Variants in RASAL2 observed in about 807,000 individuals in gnomAD.
The protein encoded by RASAL2 is RAS protein activator like 2.
In RASAL2, 58 loss-of-function variants were observed where a neutral mutation model predicts 128.9. The observed-to-expected ratio is 0.45, with a 90% CI of 0.36 to 0.56. RASAL2 has a LOEUF of 0.56. RASAL2 is among the 20% of genes least tolerant of loss of function. The probability of loss-of-function intolerance (pLI) is 0.00; values close to 1 mark genes in which losing one functional copy is unlikely to be tolerated. For synonymous variants in RASAL2, 561 were observed against 580.8 expected (o/e 0.97, Z 0.49); for missense variants, 1,360 against 1,601.6 (o/e 0.85, Z 2.57).
In RASAL2 at chr1:178,473,531, G is replaced by T; in HGVS notation, c.*292G>T. 1 of 395,926 alleles carries T rather than the reference G, an allele frequency of 2.5e-6. No individual in the cohort carries two copies. The highest frequency in any genetic ancestry group is 4.5e-6 in the Non-Finnish European group (1 of 221,388). The allele number at this position is 395,926 out of a possible 1,614,324, so 24.5% of individuals were successfully genotyped here. On this transcript the variant is annotated 3_prime_UTR_variant, in exon 18 of 18. Coordinates refer to ENST00000367649, the MANE Select transcript of RASAL2 (RefSeq NM_170692.4). Reference sequence around the variant, plus strand: ...AGTTAATAATGTAGATTACCTTTTTGATTATTGCTATTTTTATTATTGTTT... The same window carrying T: ...AGTTAATAATGTAGATTACCTTTTTTATTATTGCTATTTTTATTATTGTTT...
chr1:178,269,620 G>C (rs1324266494), intron 1 of RASAL2, among the ~76,000 whole-genome samples: 1 of 152,070 alleles, frequency 6.6e-6, no homozygotes, highest in Admixed American at 6.5e-5. Flanking sequence ...ACCTCTGGTC[G>C]TCCTCACTTC....
At chr1:178,468,860 G>C (rs1460541879) in intron 17 of RASAL2, among the ~76,000 whole-genome samples, 2 of 152,142 alleles carry the variant, frequency 1.3e-5, no homozygotes, top group Non-Finnish European at 2.9e-5. Flanking sequence ...ATTGAGTCAG[G>C]AAAACTAATG....
chr1:178,399,374 C>A (rs558962207), intron 4 of RASAL2, among the ~76,000 whole-genome samples: 1 of 100,036 alleles, frequency 1.0e-5, no homozygotes, highest in African/African-American at 3.8e-5. Flanking sequence ...TTTGGGTGGG[C>A]GGGGGAGGGG....
chr1:178,203,042 G>A (rs557630721), intron 1 of RASAL2, among the ~76,000 whole-genome samples: 1 of 152,292 alleles, frequency 6.6e-6, no homozygotes, highest in South Asian at 2.1e-4. Context: ...CAGCTAGTTG[G>A]TGACAGGTCG....
intron 3 of RASAL2, among the ~76,000 whole-genome samples, chr1:178,373,789 C>T (rs931159241): frequency 2.6e-5 from 4 of 151,954 alleles, no homozygotes; most frequent in Non-Finnish European, 5.9e-5. Context: ...CTCCTGTCCT[C>T]TGATTAAGGG....
intron 5 of RASAL2, among the ~76,000 whole-genome samples, chr1:178,424,191 A>G (rs923501498): frequency 4.6e-5 from 7 of 151,530 alleles, no homozygotes; most frequent in Non-Finnish European, 1.0e-4. Context: ...AGTGGACATG[A>G]TATTTTGAAA....
In RASAL2 at chr1:178,464,399, A is replaced by T; in HGVS notation, c.3374A>T (p.Lys1125Met). Residue 1125 changes from lysine (K) to methionine (M), a missense_variant, in exon 15 of 18, where the codon AAG (lysine) becomes ATG (methionine). Physicochemically the swap from Lys to Met is moderately conservative, Grantham distance 95. Around this residue, in one of 3 missense-constraint regions of RASAL2, gnomAD observed 741 missense variants for 868.6 expected, o/e 0.85. Transcript: ENST00000367649. ...ACTGAGCAAAATCTAGATGAAGCCAAGCATGCTGAGAAGGTAGAACCTAGT... is the reference window on the plus strand; with the variant it reads ...ACTGAGCAAAATCTAGATGAAGCCATGCATGCTGAGAAGGTAGAACCTAGT... ...EETEQNLDEAKHAEKYEQEIT... is the reference protein window; with the variant it reads ...EETEQNLDEAMHAEKYEQEIT... 6.2e-7 allele frequency: 1 copy of T among 1,613,818 alleles called. No individual in the cohort carries two copies. Among genetic ancestry groups the T allele is most frequent in the Non-Finnish European group, 8.5e-7 (1 of 1,179,810 alleles).
chr1:178,278,155 G>A (rs1666614121), intron 1 of RASAL2, among the ~76,000 whole-genome samples: 3 of 152,170 alleles, frequency 2.0e-5, no homozygotes, highest in Admixed American at 1.3e-4. Flanking sequence ...GATGAGGGCT[G>A]GGCGTCTCAT....
intron 12 of RASAL2, 68 bp downstream of exon 12, chr1:178,454,716 A>AGTGC: frequency 2.2e-6 from 3 of 1,368,532 alleles, no homozygotes; most frequent in Non-Finnish European, 3.1e-6. Flanking sequence ...CTATAGAGTG[A>AGTGC]TAGCACTCAC....
At chr1:178,119,362 C>T (rs867817197) in intron 1 of RASAL2, among the ~76,000 whole-genome samples, 6 of 152,134 alleles carry the variant, frequency 3.9e-5, no homozygotes, top group East Asian at 1.9e-4. Flanking sequence ...CCCAGAGTTG[C>T]GTGAACAGGC....
At chr1:178,238,012 C>T (rs1333539703) in intron 1 of RASAL2, among the ~76,000 whole-genome samples, 1 of 152,170 alleles carries the variant, frequency 6.6e-6, no homozygotes, top group East Asian at 1.9e-4. Context: ...TTTTACAAAG[C>T]TGTACAAGCA....
chr1:178,110,339 A>C (rs1659251166), intron 1 of RASAL2, among the ~76,000 whole-genome samples: 1 of 151,968 alleles, frequency 6.6e-6, no homozygotes, highest in South Asian at 2.1e-4. Context: ...CAAAATCCTC[A>C]GATGCTGAAG....
intron 3 of RASAL2, among the ~76,000 whole-genome samples, chr1:178,311,900 CTT>C: frequency 6.6e-6 from 1 of 151,988 alleles, no homozygotes; most frequent in African/African-American, 2.4e-5. Context: ...GAACAGAAAA[CTT>C]TAAAAAAATG....
chr1:178,192,886 A>G (rs779163843), intron 1 of RASAL2, among the ~76,000 whole-genome samples: 100 of 152,166 alleles, frequency 6.6e-4, no homozygotes, highest in African/African-American at 2.4e-3. Flanking sequence ...CCCTGGGGAA[A>G]GTGAGATATC....
intron 1 of RASAL2, among the ~76,000 whole-genome samples, chr1:178,201,375 A>G (rs1662863678): frequency 1.3e-5 from 2 of 152,314 alleles, no homozygotes; most frequent in East Asian, 1.9e-4. Context: ...AAGGGATCCA[A>G]GGGTTTAGGA....
At chr1:178,343,132 G>C (rs766884569) in intron 3 of RASAL2, among the ~76,000 whole-genome samples, 1 of 152,192 alleles carries the variant, frequency 6.6e-6, no homozygotes. Flanking sequence ...TATAAGCACA[G>C]TAAAGGGATG....
At chr1:178,158,737 A>G (rs996223559) in intron 1 of RASAL2, among the ~76,000 whole-genome samples, 2 of 152,202 alleles carry the variant, frequency 1.3e-5, no homozygotes, top group Non-Finnish European at 2.9e-5. Flanking sequence ...TTCTTCCCTT[A>G]TAATTCAAAT....
chr1:178,194,057 T>G (rs940129576), intron 1 of RASAL2, among the ~76,000 whole-genome samples: 1 of 152,186 alleles, frequency 6.6e-6, no homozygotes, highest in Non-Finnish European at 1.5e-5. Flanking sequence ...ACACATTTAT[T>G]TGTCAATTTT....
chr1:178,274,642 A>G (rs1285205532), intron 1 of RASAL2, among the ~76,000 whole-genome samples: 1 of 152,126 alleles, frequency 6.6e-6, no homozygotes, highest in East Asian at 1.9e-4. Flanking sequence ...GCTGGAATAC[A>G]GTAACACAAA....
Sources: gnomAD v4.1 joint callset for allele counts (sites outside exome capture counted in the v4.1 genomes callset) on GRCh38, gnomAD v4.1.1 for gene constraint, gnomAD v4.1.1 regional missense constraint, MANE v1.5 for transcripts, NCBI Gene and HGNC (gene_info 2026-07-23, HGNC 2026-07-21) for gene names.